The following SGCZ variants were observed in gnomAD, a reference collection of about 807,000 sequenced individuals.
The protein encoded by SGCZ is sarcoglycan zeta.
A neutral mutation model predicts 41.3 loss-of-function variants in SGCZ; 40 were observed. The ratio of observed to expected loss-of-function variants is 0.97; its 90% CI spans 0.75 to 1.26. The LOEUF (loss-of-function observed/expected upper bound fraction) is 1.26. SGCZ is among the 50% of genes most tolerant of loss of function. The pLI is 0.00. For missense variants in SGCZ, 552 were observed against 369.8 expected (o/e 1.49, Z -4.04); for synonymous variants, 206 against 137.5 (o/e 1.50, Z -3.49).
intron 4 of SGCZ, among the ~76,000 whole-genome samples, chr8:14,209,384 T>A (rs1269979842): frequency 6.6e-6 from 1 of 151,974 alleles, no homozygotes; most frequent in Non-Finnish European, 1.5e-5. Context: ...ACTCACTCCT[T>A]GTGTGTGTTT....
intron 1 of SGCZ, among the ~76,000 whole-genome samples, chr8:15,217,750 G>A (rs534570176): frequency 1.3e-5 from 2 of 152,284 alleles, no homozygotes; most frequent in East Asian, 3.9e-4. Flanking sequence ...AAATTCTCCT[G>A]TATAGTCTTC....
chr8:14,318,585 T>C (rs914079271), intron 3 of SGCZ, among the ~76,000 whole-genome samples: 3 of 151,938 alleles, frequency 2.0e-5, no homozygotes, highest in Non-Finnish European at 2.9e-5. Flanking sequence ...CTCATAAGTA[T>C]TGAGCACTGT....
At chr8:14,780,016 C>A (rs1458240091) in intron 1 of SGCZ, among the ~76,000 whole-genome samples, 1 of 152,062 alleles carries the variant, frequency 6.6e-6, no homozygotes, top group Non-Finnish European at 1.5e-5. Context: ...AGTCAGAGTG[C>A]CTTTCTAACT....
At chr8:14,410,767 A>T (rs1395038106) in intron 2 of SGCZ, among the ~76,000 whole-genome samples, 1 of 151,970 alleles carries the variant, frequency 6.6e-6, no homozygotes, top group African/African-American at 2.4e-5. Context: ...CCTAGAACTT[A>T]AAGTAAAATA....
chr8:14,996,052 C>T (rs888286388), intron 1 of SGCZ, among the ~76,000 whole-genome samples: 6 of 151,666 alleles, frequency 4.0e-5, no homozygotes, highest in African/African-American at 9.7e-5. Flanking sequence ...TACAGGCGCC[C>T]GCCACCACGC....
chr8:14,210,455 T>C (rs757166147), intron 4 of SGCZ, among the ~76,000 whole-genome samples: 3 of 123,818 alleles, frequency 2.4e-5, no homozygotes, highest in Non-Finnish European at 4.8e-5. Flanking sequence ...AATAGTATTA[T>C]GCAACTTGAA....
intron 1 of SGCZ, among the ~76,000 whole-genome samples, chr8:14,933,110 T>A (rs927176363): frequency 5.9e-5 from 9 of 151,952 alleles, no homozygotes; most frequent in Non-Finnish European, 1.2e-4. Flanking sequence ...AGTTTTTGAC[T>A]CACCACCTAG....
At chr8:14,715,956 C>T (rs1452858592) in intron 1 of SGCZ, among the ~76,000 whole-genome samples, 1 of 152,026 alleles carries the variant, frequency 6.6e-6, no homozygotes, top group East Asian at 1.9e-4. Context: ...AATCCACTCA[C>T]TAGAAAGAAA....
intron 4 of SGCZ, among the ~76,000 whole-genome samples, chr8:14,213,955 T>C (rs1322126252): frequency 2.6e-5 from 4 of 152,106 alleles, no homozygotes; most frequent in African/African-American, 4.8e-5. Context: ...AGCTGCTTAA[T>C]TAGGGCGTGT....
At chr8:14,448,272 T>C (rs1373084391) in intron 2 of SGCZ, among the ~76,000 whole-genome samples, 2 of 152,164 alleles carry the variant, frequency 1.3e-5, no homozygotes, top group Non-Finnish European at 2.9e-5. Context: ...AAAATGAGGA[T>C]ACATATTAAG....
intron 4 of SGCZ, among the ~76,000 whole-genome samples, chr8:14,194,939 C>T (rs1805218207): frequency 6.6e-6 from 1 of 152,036 alleles, no homozygotes; most frequent in Non-Finnish European, 1.5e-5. Context: ...AAAGAAACCT[C>T]ACGTGCAGAA....
At chr8:14,381,620 A>AAAT (rs1804368797) in intron 2 of SGCZ, among the ~76,000 whole-genome samples, 1 of 151,948 alleles carries the variant, frequency 6.6e-6, no homozygotes, top group Non-Finnish European at 1.5e-5. Flanking sequence ...ACAAAAAAAA[A>AAAT]AATGAAAAAT....
chr8:14,157,480 C>T (rs1362542542), intron 5 of SGCZ, among the ~76,000 whole-genome samples: 4 of 150,464 alleles, frequency 2.7e-5, no homozygotes, highest in African/African-American at 9.8e-5. Context: ...TACTCTCTAA[C>T]ACAGGAGACT....
In SGCZ at chr8:14,087,471, C is replaced by T. The variant is rs749275058; in HGVS notation, c.*2972G>A. Among the ~76,000 whole-genome samples the T allele has an allele frequency of 8.6e-5, 13 of 151,500 alleles. No individual in the cohort carries two copies. Among genetic ancestry groups the T allele is most frequent in the Non-Finnish European group, 1.6e-4 (11 of 67,708 alleles). Reference sequence around the variant, plus strand: ...CTAGCAAAACTACCAACCTCTTTTTCTTCTTCCGTTTGTTCCTTCCTGGCG... The same window carrying T: ...CTAGCAAAACTACCAACCTCTTTTTTTTCTTCCGTTTGTTCCTTCCTGGCG... On this transcript the variant is annotated 3_prime_UTR_variant, in exon 8 of 8. Coordinates refer to ENST00000382080, the MANE Select transcript of SGCZ (RefSeq NM_139167.4).
At chr8:14,137,672 G>T (rs1183598447) in intron 5 of SGCZ, among the ~76,000 whole-genome samples, 3 of 152,120 alleles carry the variant, frequency 2.0e-5, no homozygotes, top group African/African-American at 7.2e-5. Context: ...AAGAAATATG[G>T]GACTTTGTGA....
At chr8:14,472,199 GAATTA>G (rs1801231438) in intron 2 of SGCZ, among the ~76,000 whole-genome samples, 2 of 151,972 alleles carry the variant, frequency 1.3e-5, no homozygotes, top group Admixed American at 6.6e-5. Context: ...CTTAAATTGT[GAATTA>G]AATTCTCAGT....
At chr8:15,122,681 G>C (rs1030129721) in intron 1 of SGCZ, among the ~76,000 whole-genome samples, 2 of 152,034 alleles carry the variant, frequency 1.3e-5, no homozygotes, top group African/African-American at 4.8e-5. Context: ...AACAATGAAG[G>C]CCAACTGTAA....
At chr8:14,716,861 T>C (rs760879392) in intron 1 of SGCZ, among the ~76,000 whole-genome samples, 3 of 152,152 alleles carry the variant, frequency 2.0e-5, no homozygotes, top group Non-Finnish European at 4.4e-5. Flanking sequence ...CCATGCTATA[T>C]AAACTTTCTA....
chr8:14,396,253 G>C (rs887164197), intron 2 of SGCZ, among the ~76,000 whole-genome samples: 3 of 152,078 alleles, frequency 2.0e-5, no homozygotes, highest in Non-Finnish European at 4.4e-5. Flanking sequence ...TTAGTGTAAG[G>C]TAAGGACTTA....
Sources: gnomAD v4.1 joint callset for allele counts (sites outside exome capture counted in the v4.1 genomes callset) on GRCh38, gnomAD v4.1.1 for gene constraint, MANE v1.5 for transcripts, NCBI Gene and HGNC (gene_info 2026-07-23, HGNC 2026-07-21) for gene names.